GPHN: variants seen among roughly 807,000 people sequenced by gnomAD.
The protein encoded by GPHN is gephyrin.
In GPHN, 17 loss-of-function variants were observed where a neutral mutation model predicts 95.5. The ratio of observed to expected loss-of-function variants is 0.18; its 90% CI spans 0.12 to 0.27. The LOEUF (loss-of-function observed/expected upper bound fraction) is 0.27. Among genes scored for constraint, GPHN ranks in the 10% least tolerant of loss-of-function variants. GPHN has a pLI of 1.00. For synonymous variants in GPHN, 320 were observed against 322.5 expected, an observed-to-expected ratio of 0.99 and a Z score of 0.08; for missense variants, 660 against 978.1, an observed-to-expected ratio of 0.67 and a Z score of 4.34.
chr14:67,214,976 T>C, the GPHN span, among the ~76,000 whole-genome samples: 1 of 152,154 alleles, frequency 6.6e-6, no homozygotes, highest in African/African-American at 2.4e-5. Flanking sequence ...TTGTCTGTTA[T>C]TGGTGTATAA....
At chr14:67,444,034 A>G in the GPHN span, among the ~76,000 whole-genome samples, 2 of 152,192 alleles carry the variant, frequency 1.3e-5, no homozygotes, top group Admixed American at 6.5e-5. Flanking sequence ...CAGAAACTCA[A>G]AACAATGCAA....
At chr14:66,580,254 A>C (rs1243803782) in intron 1 of GPHN, among the ~76,000 whole-genome samples, 1 of 151,852 alleles carries the variant, frequency 6.6e-6, no homozygotes, top group Non-Finnish European at 1.5e-5. Flanking sequence ...AGATGCCTAC[A>C]CATAAAAGAA....
the GPHN span, chr14:67,556,035 G>C: frequency 1.5e-5 from 16 of 1,072,796 alleles, no homozygotes; most frequent in Non-Finnish European, 2.2e-5. Flanking sequence ...CTTTCTGTGG[G>C]AGTAGAGTCT....
At chr14:66,600,728 A>G (rs887500967) in intron 1 of GPHN, among the ~76,000 whole-genome samples, 1 of 152,046 alleles carries the variant, frequency 6.6e-6, no homozygotes, top group African/African-American at 2.4e-5. Flanking sequence ...TAGCCAAATC[A>G]TCAACAAAAA....
At position 66,714,440 on chromosome 14, in the gene GPHN, A is replaced by G. The variant is rs573540258; in HGVS notation, c.143+33255A>G. Among the ~76,000 whole-genome samples, 78 of 152,286 alleles carry G rather than the reference A, an allele frequency of 5.1e-4. 1 individual carries two copies. Among genetic ancestry groups the G allele is most frequent in the Non-Finnish European group, 1.1e-3 (73 of 68,036 alleles). ...TGAGGTAAACGATCATATCATCAGC[A>G]AACAGTGACATTTTGACTTCCTCTT... is the stretch of plus-strand genomic sequence containing the variant. On this transcript the variant is annotated intron_variant, in intron 2 of 22. Transcript: ENST00000478722.
At chr14:67,374,347 G>A in the GPHN span, 1 of 528,918 alleles carries the variant, frequency 1.9e-6, no homozygotes, top group Non-Finnish European at 3.3e-6. Flanking sequence ...TTGTTGATAG[G>A]ATTTTAGTAG....
At chr14:66,998,197 G>A (rs2071948456) in intron 9 of GPHN, among the ~76,000 whole-genome samples, 1 of 152,018 alleles carries the variant, frequency 6.6e-6, no homozygotes, top group African/African-American at 2.4e-5. Flanking sequence ...CTTAACTCTG[G>A]CTTCATCTAG....
At chr14:66,557,016 G>T (rs1366983096) in intron 1 of GPHN, among the ~76,000 whole-genome samples, 1 of 151,882 alleles carries the variant, frequency 6.6e-6, no homozygotes, top group Non-Finnish European at 1.5e-5. Flanking sequence ...TGGCCAAGAT[G>T]ACAAGACCGT....
chr14:67,129,772 AAG>A (rs149337227), intron 17 of GPHN, among the ~76,000 whole-genome samples: 1 of 149,240 alleles, frequency 6.7e-6, no homozygotes, highest in East Asian at 2.0e-4. Context: ...GAAAGAAAGA[AAG>A]AGAGAAAGAA....
At chr14:66,850,292 T>G (rs1395951956) in intron 4 of GPHN, among the ~76,000 whole-genome samples, 1 of 152,194 alleles carries the variant, frequency 6.6e-6, no homozygotes, top group African/African-American at 2.4e-5. Context: ...CTCATTTTTC[T>G]ATATAGGAAT....
chr14:67,232,457 T>A, the GPHN span, among the ~76,000 whole-genome samples: 1 of 152,208 alleles, frequency 6.6e-6, no homozygotes. Flanking sequence ...GCTGACATCC[T>A]GCTTTTAACC....
chr14:67,490,619 C>T, the GPHN span, among the ~76,000 whole-genome samples: 1 of 152,184 alleles, frequency 6.6e-6, no homozygotes, highest in African/African-American at 2.4e-5. Flanking sequence ...TTTCCTATAA[C>T]TATTTAAGGT....
At chr14:67,473,937 G>T in the GPHN span, 5 of 1,589,408 alleles carry the variant, frequency 3.1e-6, no homozygotes, top group Non-Finnish European at 4.3e-6. This position sits in a 1 kb window ranked among gnomAD's most constrained non-coding sequence, Gnocchi z 6.5. Context: ...GCCGACTGGG[G>T]CTGGCTGCGG....
chr14:67,263,235 C>A, the GPHN span, among the ~76,000 whole-genome samples: 1 of 152,100 alleles, frequency 6.6e-6, no homozygotes, highest in Non-Finnish European at 1.5e-5. Context: ...CCTAATTTGT[C>A]TAATTGAAAA....
the GPHN span, among the ~76,000 whole-genome samples, chr14:67,559,228 A>G: frequency 6.6e-6 from 1 of 151,856 alleles, no homozygotes. Flanking sequence ...AAGGTAACAC[A>G]TGCTTATAGT....
intron 3 of GPHN, among the ~76,000 whole-genome samples, chr14:66,796,319 C>G (rs1447782233): frequency 6.6e-6 from 1 of 151,828 alleles, no homozygotes; most frequent in African/African-American, 2.4e-5. Context: ...TATATTGTTT[C>G]CTTTTTTTTT....
At chr14:66,538,966 A>G (rs906070990) in intron 1 of GPHN, among the ~76,000 whole-genome samples, 3 of 152,050 alleles carry the variant, frequency 2.0e-5, no homozygotes, top group African/African-American at 7.2e-5. Flanking sequence ...CAATTTAATT[A>G]GAGTTTTATT....
chr14:66,966,727 T>C (rs1435818359), intron 9 of GPHN, among the ~76,000 whole-genome samples: 2 of 152,030 alleles, frequency 1.3e-5, no homozygotes, highest in Non-Finnish European at 2.9e-5. Context: ...CACTGAATAT[T>C]AAGACCTAAA....
chr14:67,225,966 CGCGCGCGCGTGCGCAT>C, the GPHN span, among the ~76,000 whole-genome samples: 82 of 64,192 alleles, frequency 1.3e-3, no homozygotes, highest in African/African-American at 3.4e-3. Context: ...TGTGTGTGCG[CGCGCGCGCGTGCGCAT>C]GCGCGTGCAT....
Sources: gnomAD v4.1 joint callset for allele counts (sites outside exome capture counted in the v4.1 genomes callset) on GRCh38, gnomAD v4.1.1 for gene constraint, Gnocchi (gnomAD v3.1) non-coding constraint, MANE v1.5 for transcripts, NCBI Gene and HGNC (gene_info 2026-07-23, HGNC 2026-07-21) for gene names.